Variants in TSGA10 observed in about 807,000 individuals in gnomAD.
TSGA10 encodes the protein testis-specific gene 10 protein.
TSGA10 carries 43 observed loss-of-function variants against 96.6 expected under a neutral mutation model. The ratio of observed to expected loss-of-function variants is 0.44; its 90% CI spans 0.35 to 0.57. TSGA10 has a LOEUF of 0.57. Among genes scored for constraint, TSGA10 ranks in the 20% least tolerant of loss-of-function variants. TSGA10 has a pLI of 0.01. For synonymous variants in TSGA10, 229 were observed against 269.9 expected (o/e 0.85, Z 1.48); for missense variants, 703 against 834.4 (o/e 0.84, Z 1.94).
At chr2:99,031,082 A>T (rs1435289734) in intron 17 of TSGA10, among the ~76,000 whole-genome samples, 1 of 152,068 alleles carries the variant, frequency 6.6e-6, no homozygotes, top group Non-Finnish European at 1.5e-5. Context: ...TAAATTAAAG[A>T]CTTAATATAT....
chr2:99,082,628 T>C (rs958029880), intron 10 of TSGA10, among the ~76,000 whole-genome samples: 7 of 152,084 alleles, frequency 4.6e-5, no homozygotes, highest in African/African-American at 1.5e-4. Context: ...TCTGGAGGCA[T>C]GCTCTCAACC....
At chr2:99,007,325 A>T (rs1181369425) in intron 20 of TSGA10, among the ~76,000 whole-genome samples, 1 of 152,170 alleles carries the variant, frequency 6.6e-6, no homozygotes, top group African/African-American at 2.4e-5. Flanking sequence ...AATTTCTCAA[A>T]AAAATTCACA....
chr2:99,009,336 A>G (rs2078794204), intron 20 of TSGA10, among the ~76,000 whole-genome samples: 1 of 152,124 alleles, frequency 6.6e-6, no homozygotes, highest in African/African-American at 2.4e-5. Context: ...ACAGATTCTG[A>G]GCTTTTAAAA....
chr2:99,135,403 C>T (rs2093284292), intron 1 of TSGA10, among the ~76,000 whole-genome samples: 1 of 152,178 alleles, frequency 6.6e-6, no homozygotes, highest in Admixed American at 6.5e-5. Flanking sequence ...CAGAAATCAC[C>T]TGCCTTCTGC....
intron 10 of TSGA10, among the ~76,000 whole-genome samples, chr2:99,096,158 A>G (rs2090010372): frequency 6.6e-6 from 1 of 152,226 alleles, no homozygotes; most frequent in African/African-American, 2.4e-5. Context: ...GTATTTATTG[A>G]GTACATTGTA....
rs1224479542 is a variant in TSGA10 at position 99,078,664 on chromosome 2, T to G, written c.877A>C (p.Met293Leu). 6.2e-7 allele frequency: 1 copy of G among 1,611,926 alleles called. No homozygotes were observed. The highest frequency in any genetic ancestry group is 1.1e-5 in the South Asian group (1 of 90,650). Residue 293 changes from methionine to leucine, a missense_variant, in exon 12 of 21, where the codon ATG becomes CTG. Met to Leu is a conservative substitution (Grantham distance 15, BLOSUM62 2). Around this residue, in one of 3 missense-constraint regions of TSGA10, gnomAD observed 585 missense variants for 656.8 expected, o/e 0.89. Transcript: ENST00000393483. ...CCACAGTTCTCAGAACATACTTTCA[T>G]TGCCAAACTCTCTCCAAGGGATGCA... ...NIASLGESLA[M>L]KEKTISGMKN...
intron 1 of TSGA10, chr2:99,141,262 G>A (rs1282476052): frequency 7.3e-6 from 6 of 816,764 alleles, no homozygotes; most frequent in Non-Finnish European, 9.6e-6. Flanking sequence ...GCGGATCGGA[G>A]GAAGGACGGA....
Position 99,077,805 on chromosome 2 carries a change from G to A in TSGA10, c.882+854C>T, listed in dbSNP as rs1036535022. On this transcript the variant is annotated intron_variant, in intron 12 of 20. Transcript: ENST00000393483. ...TCTCGAACTCCTGACCTCATGATCC[G>A]CCCTCCTCGGCCTCCCAAAGTGCTG... Among the ~76,000 whole-genome samples the A allele has an allele frequency of 5.3e-5, 8 of 151,748 alleles. No individual in the cohort carries two copies. The East Asian group carries it at 6.0e-4, about 11-fold the overall frequency.
chr2:99,100,819 CAAAA>C (rs70940133), intron 10 of TSGA10, among the ~76,000 whole-genome samples: 1 of 69,736 alleles, frequency 1.4e-5, no homozygotes, highest in African/African-American at 6.4e-5. Context: ...GACTCCGTCT[CAAAA>C]AAAAAAAAAA....
chr2:99,067,498 T>C (rs2085396066), intron 15 of TSGA10, among the ~76,000 whole-genome samples: 1 of 152,214 alleles, frequency 6.6e-6, no homozygotes, highest in African/African-American at 2.4e-5. Flanking sequence ...CAGGTAATGT[T>C]ACTAACAGAC....
chr2:99,084,042 TC>T (rs1206538525), intron 10 of TSGA10, among the ~76,000 whole-genome samples: 1 of 152,216 alleles, frequency 6.6e-6, no homozygotes, highest in African/African-American at 2.4e-5. Context: ...CATCGACTTA[TC>T]TGTATATTTT....
chr2:99,090,477 C>G (rs1347153095), intron 10 of TSGA10, among the ~76,000 whole-genome samples: 2 of 151,936 alleles, frequency 1.3e-5, no homozygotes, highest in Non-Finnish European at 2.9e-5. Flanking sequence ...TTAAGCTAAT[C>G]AAGGAGGCAC....
At chr2:99,045,389 G>A (rs1010129875) in intron 16 of TSGA10, among the ~76,000 whole-genome samples, 3 of 152,176 alleles carry the variant, frequency 2.0e-5, no homozygotes, top group Admixed American at 6.5e-5. Context: ...GGATCTCTCG[G>A]CAGAAACTCT....
chr2:99,066,069 G>A (rs962791909), intron 15 of TSGA10, among the ~76,000 whole-genome samples: 4 of 152,096 alleles, frequency 2.6e-5, no homozygotes, highest in Admixed American at 6.5e-5. Context: ...AATAGTGCAC[G>A]TCCCTATCAG....
chr2:99,044,717 C>G (rs1043867708), intron 16 of TSGA10, among the ~76,000 whole-genome samples: 3 of 152,174 alleles, frequency 2.0e-5, no homozygotes, highest in African/African-American at 7.2e-5. Flanking sequence ...TCCAAATCAA[C>G]AGAATATACA....
intron 10 of TSGA10, 149 bp downstream of exon 10, chr2:99,103,818 T>A (rs1447902732): frequency 8.4e-6 from 7 of 836,868 alleles, no homozygotes; most frequent in Non-Finnish European, 8.8e-6. Context: ...GGAAAATTGT[T>A]CACTGTGTGC....
intron 20 of TSGA10, among the ~76,000 whole-genome samples, chr2:99,002,809 AAAC>A (rs1271120317): frequency 2.0e-5 from 3 of 152,300 alleles, no homozygotes; most frequent in East Asian, 1.9e-4. Flanking sequence ...AGCAAATGGA[AAAC>A]AACAACAACA....
At chr2:99,150,713 C>T (rs774960095) in intron 1 of TSGA10, 1 of 1,613,918 alleles carries the variant, frequency 6.2e-7, no homozygotes, top group Non-Finnish European at 8.5e-7. Flanking sequence ...TTAGAAGACA[C>T]AAATCAAGAA....
At chr2:99,074,432 A>C (rs983775477) in intron 12 of TSGA10, among the ~76,000 whole-genome samples, 2 of 150,952 alleles carry the variant, frequency 1.3e-5, no homozygotes, top group Non-Finnish European at 2.9e-5. Flanking sequence ...ACAGTTTCCC[A>C]TTCTGCTTTC....
Sources: gnomAD v4.1 joint callset for allele counts (sites outside exome capture counted in the v4.1 genomes callset) on GRCh38, gnomAD v4.1.1 for gene constraint, gnomAD v4.1.1 regional missense constraint, MANE v1.5 for transcripts, NCBI Gene and HGNC (gene_info 2026-07-23, HGNC 2026-07-21) for gene names.